The following ESRRG variants were observed in gnomAD, a reference collection of about 807,000 sequenced individuals.
ESRRG encodes the protein estrogen-related receptor gamma.
Under a neutral mutation model 44.0 loss-of-function variants are expected in ESRRG, and 13 were observed. That is an observed-to-expected ratio of 0.30 (90% CI 0.19 to 0.47). The LOEUF is 0.47. ESRRG is among the 20% of genes least tolerant of loss of function. The probability of loss-of-function intolerance (pLI) is 1.00; values close to 1 mark genes in which losing one functional copy is unlikely to be tolerated. For synonymous variants in ESRRG, 215 were observed against 214.6 expected (o/e 1.00, Z -0.02); for missense variants, 395 against 580.6 (o/e 0.68, Z 3.29).
At chr1:216,875,403 A>G (rs1357758209) in intron 2 of ESRRG, among the ~76,000 whole-genome samples, 2 of 152,126 alleles carry the variant, frequency 1.3e-5, no homozygotes, top group African/African-American at 4.8e-5. Context: ...CTTCTTCCCC[A>G]AAGGTAACCA....
chr1:216,757,272 A>G (rs753309068), intron 2 of ESRRG, among the ~76,000 whole-genome samples: 26 of 152,006 alleles, frequency 1.7e-4, no homozygotes, highest in Non-Finnish European at 3.4e-4. Flanking sequence ...TAAATGGCTC[A>G]TTCCCCAGCA....
chr1:216,679,703 T>A (rs369881380), intron 1 of ESRRG, among the ~76,000 whole-genome samples: 1 of 151,766 alleles, frequency 6.6e-6, no homozygotes, highest in Non-Finnish European at 1.5e-5. Context: ...TTTTAAATTT[T>A]TTTTCCCTCT....
At chr1:216,746,789 C>G (rs2091451950) in intron 2 of ESRRG, among the ~76,000 whole-genome samples, 2 of 152,156 alleles carry the variant, frequency 1.3e-5, no homozygotes, top group Admixed American at 6.6e-5. Context: ...AAAGACTGGT[C>G]CCTTTTTCCA....
chr1:216,967,704 T>A (rs1300451958), intron 1 of ESRRG, among the ~76,000 whole-genome samples: 2 of 152,210 alleles, frequency 1.3e-5, no homozygotes, highest in Non-Finnish European at 2.9e-5. Context: ...AGCATATGTG[T>A]GCATATTTTT....
intron 2 of ESRRG, among the ~76,000 whole-genome samples, chr1:216,881,053 C>T (rs2149314459): frequency 6.6e-6 from 1 of 152,186 alleles, no homozygotes; most frequent in East Asian, 1.9e-4. Flanking sequence ...GAAAAAAATG[C>T]ATAAATTAAA....
chr1:216,793,045 T>G (rs1055944148), intron 2 of ESRRG, among the ~76,000 whole-genome samples: 3 of 152,210 alleles, frequency 2.0e-5, no homozygotes, highest in Non-Finnish European at 4.4e-5. Flanking sequence ...GACAGGTATC[T>G]GAGGTTCCTG....
In ESRRG at chr1:217,004,041, G is replaced by A. The variant is rs186656296; in HGVS notation, c.-105-64368C>T. Among the ~76,000 whole-genome samples the A allele has an allele frequency of 5.4e-4, 82 of 152,190 alleles. 1 individual carries two copies. The East Asian group carries it at 0.011, about 21-fold the overall frequency. ...ATACTGTCTTATGGGGTAAAGGGGA[G>A]CGAGAAGTTACCAGAATCTTGATCC... On this transcript the variant is annotated intron_variant, in intron 1 of 7. Coordinates refer to the ESRRG transcript ENST00000359162.
At chr1:216,829,788 G>A (rs1482002895) in intron 2 of ESRRG, among the ~76,000 whole-genome samples, 1 of 151,822 alleles carries the variant, frequency 6.6e-6, no homozygotes, top group African/African-American at 2.4e-5. Flanking sequence ...TCCTGACCTC[G>A]AATGATCCAC....
At chr1:217,044,430 C>T (rs2084469663) in intron 1 of ESRRG, among the ~76,000 whole-genome samples, 1 of 152,120 alleles carries the variant, frequency 6.6e-6, no homozygotes, top group African/African-American at 2.4e-5. Flanking sequence ...TTGCAAGTTT[C>T]TTCTATATTA....
intron 1 of ESRRG, among the ~76,000 whole-genome samples, chr1:216,690,854 G>A (rs1411299785): frequency 6.6e-6 from 1 of 152,146 alleles, no homozygotes; most frequent in African/African-American, 2.4e-5. Context: ...TCTTAGGCCA[G>A]CTCTTTTCTT....
rs186255111 is a variant in ESRRG, at chr1:216,783,030, G to A, written c.-13-105539C>T. 2.3e-3 allele frequency among the ~76,000 whole-genome samples: 348 copies of A among 151,798 alleles called. 1 individual carries two copies. The highest frequency in any genetic ancestry group is 3.5e-3 in the Non-Finnish European group (240 of 67,874). ...GTAATTACCCAGAAGATGAAATAGAGAAGAAATGAAATAACTACAACCTTA... is the reference window on the plus strand; with the variant it reads ...GTAATTACCCAGAAGATGAAATAGAAAAGAAATGAAATAACTACAACCTTA... On this transcript the variant is annotated intron_variant, in intron 2 of 7. Coordinates refer to the ESRRG transcript ENST00000359162.
At chr1:216,538,041 CAT>C (rs1453674302) in intron 5 of ESRRG, among the ~76,000 whole-genome samples, 1 of 152,046 alleles carries the variant, frequency 6.6e-6, no homozygotes, top group Admixed American at 6.6e-5. Flanking sequence ...ACAATCCAAA[CAT>C]ATCTGAAATA....
At chr1:216,817,543 T>C (rs2095176779) in intron 2 of ESRRG, among the ~76,000 whole-genome samples, 2 of 152,224 alleles carry the variant, frequency 1.3e-5, no homozygotes. Context: ...TTCCTAATCA[T>C]GTTTAGGGAT....
At chr1:217,040,168 C>T (rs1022168563) in intron 1 of ESRRG, among the ~76,000 whole-genome samples, 8 of 152,108 alleles carry the variant, frequency 5.3e-5, no homozygotes, top group Non-Finnish European at 1.0e-4. Context: ...AACTATGTTG[C>T]TATACATTTT....
At chr1:216,924,562 G>A (rs2062274673) in intron 2 of ESRRG, among the ~76,000 whole-genome samples, 3 of 152,300 alleles carry the variant, frequency 2.0e-5, no homozygotes, top group African/African-American at 7.2e-5. Context: ...AAATCCACAT[G>A]CAAAGCCTCT....
chr1:216,644,960 T>C (rs957585624), intron 3 of ESRRG, among the ~76,000 whole-genome samples: 2 of 152,162 alleles, frequency 1.3e-5, no homozygotes, highest in Non-Finnish European at 2.9e-5. Flanking sequence ...ATCTGACTGG[T>C]AGCAATCACA....
At chr1:217,101,170 G>A (rs1456163055) in intron 1 of ESRRG, among the ~76,000 whole-genome samples, 1 of 152,104 alleles carries the variant, frequency 6.6e-6, no homozygotes, top group Non-Finnish European at 1.5e-5. Flanking sequence ...TTTGGAGACA[G>A]AACAAAAAAG....
chr1:216,767,757 T>G (rs2152378266), intron 2 of ESRRG, among the ~76,000 whole-genome samples: 1 of 152,240 alleles, frequency 6.6e-6, no homozygotes, highest in South Asian at 2.1e-4. Context: ...TAGTTTGGGC[T>G]TCAAAACTTA....
At chr1:216,884,001 A>G (rs899854854) in intron 2 of ESRRG, among the ~76,000 whole-genome samples, 1 of 152,224 alleles carries the variant, frequency 6.6e-6, no homozygotes, top group Admixed American at 6.5e-5. Context: ...CTTCAGAATG[A>G]AAGTATGCAT....
Sources: allele counts gnomAD v4.1 joint callset (sites outside exome capture counted in the v4.1 genomes callset), GRCh38; gene constraint gnomAD v4.1.1; transcripts MANE v1.5; gene names NCBI Gene and HGNC (gene_info 2026-07-23, HGNC 2026-07-21).